FGD1: variants seen among roughly 807,000 people sequenced by gnomAD.
The protein encoded by FGD1 is FYVE, RhoGEF and PH domain-containing protein 1.
Under a neutral mutation model 65.0 loss-of-function variants are expected in FGD1, and 12 were observed. That is an observed-to-expected ratio of 0.18 (90% CI 0.12 to 0.30). The LOEUF (loss-of-function observed/expected upper bound fraction) is 0.30. Among genes scored for constraint, FGD1 ranks in the 10% least tolerant of loss-of-function variants. The pLI, the probability that FGD1 is intolerant of heterozygous loss-of-function variation, is 1.00. For synonymous variants in FGD1, 333 were observed against 343.9 expected (o/e 0.97, Z 0.35); for missense variants, 542 against 837.6 (o/e 0.65, Z 4.36).
rs186129530 is a variant in FGD1 at position 54,448,586 on chromosome X, G to A, written c.2436+220C>T. ...TCAGTTTCCTCGTTTGTAAAATAAA[G>A]AGAACAATAGCATGGGCAGATTAGT... On this transcript the variant is annotated intron_variant, in intron 16 of 17. Transcript: ENST00000375135. Among the ~76,000 whole-genome samples, 409 of 112,643 alleles carry A rather than the reference G, an allele frequency of 3.6e-3. 1 individual carries two copies. Among genetic ancestry groups the A allele is most frequent in the African/African-American group, 0.013 (389 of 31,066 alleles).
In FGD1 at chrX:54,470,699, G is replaced by A. The variant is rs113204374; in HGVS notation, c.543C>T (p.Pro181=). 9.9e-7 allele frequency: 1 copy of A among 1,008,206 alleles called. No individual in the cohort carries two copies. The highest frequency in any genetic ancestry group is 1.4e-6 in the Non-Finnish European group (1 of 723,139). The allele number at this position is 1,008,206 out of a possible 1,213,427, so 83.1% of individuals were successfully genotyped here. ...CAGGCAGTGGGCGTGATGGTGGAGG[G>A]GGGATGGGCTCCAGTGGGGGGGGCA... ...PRMPPPLEPI[P]PPPSRPLPAD... The change falls in exon 3 of 18, where the codon CCC becomes CCT. Residue 181 remains proline (P), a synonymous_variant. Transcript: ENST00000375135.
At chrX:54,453,460 A>C (rs747210994) in intron 12 of FGD1, among the ~76,000 whole-genome samples, 128 of 112,146 alleles carry the variant, frequency 1.1e-3, no homozygotes, top group Non-Finnish European at 2.0e-3. Flanking sequence ...CAGCATAGAC[A>C]GTGGTTAGGA....
chrX:54,448,988 G>A (rs781020308), intron 15 of FGD1, 21 bp from the exon 16 acceptor site: 1 of 1,205,879 alleles, frequency 8.3e-7, no homozygotes, highest in East Asian at 3.0e-5. Context: ...AAGTGGGCAA[G>A]AGTAGCCTGA....
chrX:54,473,979 CAA>C (rs772527187), intron 1 of FGD1, among the ~76,000 whole-genome samples: 17 of 93,727 alleles, frequency 1.8e-4, no homozygotes, highest in East Asian at 3.9e-4. Flanking sequence ...GACTCCATCT[CAA>C]AAAAAAAATA....
chrX:54,467,974 G>A (rs1329290656), intron 5 of FGD1, 42 bp from the exon 6 acceptor site: 5 of 1,144,595 alleles, frequency 4.4e-6, no homozygotes, highest in Non-Finnish European at 5.9e-6. Flanking sequence ...CTGGGCCTGG[G>A]GCTTGGCTGG....
intron 1 of FGD1, among the ~76,000 whole-genome samples, chrX:54,492,329 C>T (rs761801323): frequency 3.6e-5 from 4 of 111,923 alleles, no homozygotes; most frequent in African/African-American, 1.3e-4. Flanking sequence ...GCCACTGAGC[C>T]CTAAAGATGG....
chrX:54,449,069 A>G (rs747523280), intron 15 of FGD1, 74 bp downstream of exon 15: 1 of 1,194,977 alleles, frequency 8.4e-7, no homozygotes, highest in African/African-American at 1.8e-5. Flanking sequence ...CTTGGAGGGT[A>G]CCCACTCTGC....
chrX:54,470,710 CCA>C lies in FGD1; in HGVS notation c.530_531del (p.Leu177ArgfsTer39). On this transcript the variant is annotated frameshift_variant, in exon 3 of 18. Transcript: ENST00000375135. LOFTEE classifies it high-confidence loss of function. Reference protein sequence around the residue: ...YLQMPRMPPPLEPIPPPPSRP... With the variant: ...YLQMPRMPPPXEPIPPPPSRP... ...CGTGATGGTGGAGGGGGGATGGGCT[CCA>C]GTGGGGGGGGCATCCGGGGCATCTG... 1 of 939,926 alleles carries C rather than the reference CCA, an allele frequency of 1.1e-6. No individual in the cohort carries two copies. Among genetic ancestry groups the C allele is most frequent in the Non-Finnish European group, 1.4e-6 (1 of 698,953 alleles). The allele number at this position is 939,926 out of a possible 1,213,427, so 77.5% of individuals were successfully genotyped here. A position where few individuals can be genotyped will look rare whatever the true frequency, so the allele number is the denominator to read the frequency against.
chrX:54,482,236 G>GCGCGCGCA (rs796491256), intron 1 of FGD1, among the ~76,000 whole-genome samples: 2 of 99,367 alleles, frequency 2.0e-5, no homozygotes, highest in African/African-American at 7.7e-5. Context: ...GCACACGCGC[G>GCGCGCGCA]CACACACACA....
chrX:54,464,275 A>C (rs1922710706), intron 8 of FGD1, among the ~76,000 whole-genome samples: 1 of 109,374 alleles, frequency 9.1e-6, no homozygotes, highest in Non-Finnish European at 1.9e-5. Context: ...CTGGGATTAC[A>C]GGTGCCCGCC....
intron 1 of FGD1, among the ~76,000 whole-genome samples, chrX:54,487,385 A>G (rs1272971351): frequency 9.0e-6 from 1 of 111,634 alleles, no homozygotes; most frequent in African/African-American, 3.3e-5. Context: ...AAACTCCCAA[A>G]CATCACTGGC....
At chrX:54,468,140 G>A (rs1337465554) in intron 5 of FGD1, among the ~76,000 whole-genome samples, 2 of 111,768 alleles carry the variant, frequency 1.8e-5, no homozygotes, top group Admixed American at 9.5e-5. Flanking sequence ...CCCCACACTT[G>A]AGCTTGGTCC....
At chrX:54,473,553 G>A (rs957102099) in intron 1 of FGD1, among the ~76,000 whole-genome samples, 19 of 111,894 alleles carry the variant, frequency 1.7e-4, no homozygotes, top group African/African-American at 5.9e-4. Flanking sequence ...CTGATTGATC[G>A]AAATGTTTGG....
In FGD1 at chrX:54,447,506, C is replaced by T. The variant is rs1922252417; in HGVS notation, c.2437-52G>A. 3.5e-6 allele frequency: 4 copies of T among 1,157,729 alleles called. No homozygotes were observed. In the South Asian group the frequency reaches 7.5e-5, roughly 22 times the overall value. ...TGTTGACAGAAGGCCTAGCCTGGCT[C>T]CTCCTAGCTTTAATACCTCCTCAGT... On this transcript the variant is annotated intron_variant, in intron 16 of 17. Transcript: ENST00000375135.
intron 1 of FGD1, among the ~76,000 whole-genome samples, chrX:54,473,537 T>G (rs1474121800): frequency 8.9e-6 from 1 of 112,195 alleles, no homozygotes; most frequent in Non-Finnish European, 1.9e-5. Flanking sequence ...GGCCTCTGCA[T>G]GGAGGCTGAT....
At chrX:54,450,169 G>T in intron 13 of FGD1, 102 bp downstream of exon 13, 1 of 846,837 alleles carries the variant, frequency 1.2e-6, no homozygotes, top group Non-Finnish European at 1.8e-6. Context: ...CAGTTGTCCA[G>T]GACCATTCTG....
intron 1 of FGD1, among the ~76,000 whole-genome samples, chrX:54,473,107 C>T (rs1455151932): frequency 8.9e-6 from 1 of 111,779 alleles, no homozygotes; most frequent in East Asian, 2.8e-4. Flanking sequence ...CACACAGCCT[C>T]GCAGTATCAC....
At chrX:54,479,451 T>TGGGGAAA (rs1315377338) in intron 1 of FGD1, among the ~76,000 whole-genome samples, 2 of 111,011 alleles carry the variant, frequency 1.8e-5, no homozygotes, top group Admixed American at 9.6e-5. Flanking sequence ...AATTTCCCCA[T>TGGGGAAA]TTGGGGCCCA....
chrX:54,451,571 T>C (rs756400961), intron 12 of FGD1, among the ~76,000 whole-genome samples: 5 of 106,708 alleles, frequency 4.7e-5, no homozygotes, highest in African/African-American at 1.7e-4. Flanking sequence ...AGGCGTGAGC[T>C]ACCGTGCCTG....
Sources: allele counts gnomAD v4.1 joint callset (sites outside exome capture counted in the v4.1 genomes callset), GRCh38; gene constraint gnomAD v4.1.1; transcripts MANE v1.5; gene names NCBI Gene and HGNC (gene_info 2026-07-23, HGNC 2026-07-21).